The following NELFE variants were observed in gnomAD, a reference collection of about 807,000 sequenced individuals.
NELFE encodes the protein negative elongation factor E.
In NELFE, 26 loss-of-function variants were observed where a neutral mutation model predicts 55.5. The ratio of observed to expected loss-of-function variants is 0.47; its 90% CI spans 0.34 to 0.65. The LOEUF (loss-of-function observed/expected upper bound fraction) is 0.65. Among genes scored for constraint, NELFE ranks in the 30% least tolerant of loss-of-function variants. The probability of loss-of-function intolerance (pLI) is 0.01; values close to 1 mark genes in which losing one functional copy is unlikely to be tolerated. For missense variants in NELFE, 403 were observed against 506.9 expected (o/e 0.80, Z 1.97); for synonymous variants, 162 against 178.0 (o/e 0.91, Z 0.72).
intron 9 of NELFE, 80 bp downstream of exon 9, chr6:31,954,000 C>A: frequency 6.6e-7 from 1 of 1,506,494 alleles, no homozygotes; most frequent in South Asian, 1.1e-5. Context: ...GAACCAACTT[C>A]TTCCTGGCAT....
In NELFE at chr6:31,954,619, T is replaced by TCGATCTCGATCCCGATCC. The variant is rs771847271; in HGVS notation, c.660_677dup (p.Asp223_Arg228dup). 2 of 1,607,384 alleles carry TCGATCTCGATCCCGATCC rather than the reference T, an allele frequency of 1.2e-6. No individual in the cohort carries two copies. Among genetic ancestry groups the TCGATCTCGATCCCGATCC allele is most frequent in the Non-Finnish European group, 1.7e-6 (2 of 1,176,890 alleles). ...CCCGATCCCTGTCCCGTTCCCGGTC[T>TCGATCTCGATCCCGATCC]CGATCTCGATCCCGATCCCGATCCC... On this transcript the variant is annotated inframe_insertion, in exon 7 of 11. Coordinates refer to ENST00000375429, the MANE Select transcript of NELFE (RefSeq NM_002904.6). This position sits in a 1 kb window ranked among gnomAD's most constrained non-coding sequence, Gnocchi z 5.5.
At chr6:31,957,529 G>T in intron 2 of NELFE, 2 of 452,252 alleles carry the variant, frequency 4.4e-6, no homozygotes, top group South Asian at 3.1e-5. Flanking sequence ...ATGTTTAATG[G>T]CTATTAAACT....
Position 31,956,923 on chromosome 6 carries a change from A to C in NELFE, c.145+18T>G, listed in dbSNP as rs1480383013. ...TGCTGCCCACTTCCAGTCCATCCCC[A>C]TTTCCCCTGTCACTCACAGCGTTTG... On this transcript the variant is annotated intron_variant, in intron 3 of 10. Transcript: ENST00000375429. 1 of 1,611,606 alleles carries C rather than the reference A, an allele frequency of 6.2e-7. No individual in the cohort carries two copies. The highest frequency in any genetic ancestry group is 8.5e-7 in the Non-Finnish European group (1 of 1,179,102).
Position 31,954,248 on chromosome 6 carries a change from A to C in NELFE, c.887+50T>G, listed in dbSNP as rs751612552. 1.2e-6 allele frequency: 2 copies of C among 1,609,556 alleles called. No homozygotes were observed. The highest frequency in any genetic ancestry group is 1.7e-6 in the Non-Finnish European group (2 of 1,177,406). ...GGCAGCTTCTTCCCTCAGGTCTCAC[A>C]CCCCAGGATTCTCCCAGGACTTCTC... On this transcript the variant is annotated intron_variant, in intron 8 of 10. Transcript: ENST00000375429. This position sits in a 1 kb window ranked among gnomAD's most constrained non-coding sequence, Gnocchi z 5.5.
Position 31,952,209 on chromosome 6 carries a change from A to G in NELFE, c.*92T>C. ...CCCCAATCCCAAGTGCTGAAAAACC[A>G]GAGGCTGAGGGAGATGTGTAAGCTT... On this transcript the variant is annotated 3_prime_UTR_variant, in exon 11 of 11. Coordinates refer to ENST00000375429, the MANE Select transcript of NELFE (RefSeq NM_002904.6). 7.0e-7 allele frequency: 1 copy of G among 1,424,740 alleles called. No homozygotes were observed. The highest frequency in any genetic ancestry group is 9.8e-7 in the Non-Finnish European group (1 of 1,022,328). The allele number at this position is 1,424,740 out of a possible 1,614,324, so 88.3% of individuals were successfully genotyped here.
At chr6:31,958,211 A>C (rs999402185) in intron 2 of NELFE, 161 bp downstream of exon 2, 1 of 680,264 alleles carries the variant, frequency 1.5e-6, no homozygotes, top group Non-Finnish European at 2.6e-6. Context: ...GAAGGTCCAC[A>C]CCAAGGCTTG....
At chr6:31,952,426 G>C (rs1406842315) in intron 10 of NELFE, 28 bp from the exon 11 acceptor site, 1 of 1,540,406 alleles carries the variant, frequency 6.5e-7, no homozygotes, top group Non-Finnish European at 9.0e-7. Context: ...GAACAGTTAA[G>C]GTCTAAAGGA....
intron 10 of NELFE, among the ~76,000 whole-genome samples, chr6:31,952,599 G>C (rs1771840278): frequency 6.6e-6 from 1 of 152,168 alleles, no homozygotes; most frequent in Admixed American, 6.5e-5. Flanking sequence ...TGGACATTTT[G>C]ATGAATGTTT....
Position 31,954,584 on chromosome 6 carries a change from C to T in NELFE, c.713G>A (p.Arg238Gln), listed in dbSNP as rs1771953402. 2 of 1,607,794 alleles carry T rather than the reference C, an allele frequency of 1.2e-6. No homozygotes were observed. Among genetic ancestry groups the T allele is most frequent in the Non-Finnish European group, 1.7e-6 (2 of 1,177,116 alleles). The change falls in exon 7 of 11, where the codon CGA (arginine) becomes CAA (glutamine). Residue 238 changes from arginine to glutamine, a missense_variant. Transcript: ENST00000375429. This position sits in a 1 kb window ranked among gnomAD's most constrained non-coding sequence, Gnocchi z 5.5. The stretch of plus-strand genomic sequence containing the variant: ...GAAAGGACCCTCTCGGTCTCGGTCT[C>T]GATCCCGCTCCCGATCCCTGTCCCG... ...RERDRDRERD[R>Q]DRDREGPFRR...
chr6:31,955,515 C>T (rs1192425058), intron 4 of NELFE, among the ~76,000 whole-genome samples: 6 of 148,292 alleles, frequency 4.0e-5, no homozygotes, highest in Non-Finnish European at 7.4e-5. Flanking sequence ...ATAGAGCAAT[C>T]GTAGCTTGCT....
chr6:31,952,097 AT>A lies in NELFE; in HGVS notation c.*203del. ...AGCTGCGACAACACCTGTGTTCCAG[AT>A]CCTTTTGGGGCAAGGGAGTGGGGAA... On this transcript the variant is annotated 3_prime_UTR_variant, in exon 11 of 11. Transcript: ENST00000375429. The A allele has an allele frequency of 6.2e-7, 1 of 1,600,332 alleles. No homozygotes were observed. Among genetic ancestry groups the A allele is most frequent in the East Asian group, 2.2e-5 (1 of 44,806 alleles).
At chr6:31,955,448 A>ATTT (rs72274522) in intron 4 of NELFE, among the ~76,000 whole-genome samples, 155 bp from the exon 5 acceptor site, 8 of 122,732 alleles carry the variant, frequency 6.5e-5, no homozygotes, top group African/African-American at 1.2e-4. Context: ...GGTTTTACTT[A>ATTT]TTTTTTTTTT....
chr6:31,954,461 T>C lies in NELFE; in HGVS notation c.743-19A>G. On this transcript the variant is annotated intron_variant, in intron 7 of 10. Coordinates refer to ENST00000375429, the MANE Select transcript of NELFE (RefSeq NM_002904.6). This position sits in a 1 kb window ranked among gnomAD's most constrained non-coding sequence, Gnocchi z 5.5. ...TCCGACCCTTTGGGAGCACAAATCATAGTCACAAGACATAGACCATGCCAC... is the reference window on the plus strand; with the variant it reads ...TCCGACCCTTTGGGAGCACAAATCACAGTCACAAGACATAGACCATGCCAC... 3 of 1,589,590 alleles carry C rather than the reference T, an allele frequency of 1.9e-6. No homozygotes were observed. Among genetic ancestry groups the C allele is most frequent in the South Asian group, 1.1e-5 (1 of 87,378 alleles).
At chr6:31,952,655 A>G (rs1771842335) in intron 10 of NELFE, among the ~76,000 whole-genome samples, 1 of 152,268 alleles carries the variant, frequency 6.6e-6, no homozygotes, top group African/African-American at 2.4e-5. Flanking sequence ...CACGTGAATG[A>G]TATTAACCCA....
At chr6:31,955,591 G>A (rs1029420183) in intron 4 of NELFE, among the ~76,000 whole-genome samples, 4 of 149,804 alleles carry the variant, frequency 2.7e-5, no homozygotes, top group African/African-American at 9.9e-5. Flanking sequence ...TGGGACTAGA[G>A]ATGTGCTCTA....
In NELFE at chr6:31,952,205, A is replaced by T; in HGVS notation, c.*96T>A. 7.0e-7 allele frequency: 1 copy of T among 1,427,770 alleles called. No homozygotes were observed. The allele number at this position is 1,427,770 out of a possible 1,614,324, so 88.4% of individuals were successfully genotyped here. The stretch of plus-strand genomic sequence containing the variant: ...TTAACCCCAATCCCAAGTGCTGAAA[A>T]ACCAGAGGCTGAGGGAGATGTGTAA... On this transcript the variant is annotated 3_prime_UTR_variant, in exon 11 of 11. Coordinates refer to ENST00000375429, the MANE Select transcript of NELFE (RefSeq NM_002904.6).
At position 31,954,976 on chromosome 6, in the gene NELFE, C is replaced by T. The variant is rs1025476500; in HGVS notation, c.404+83G>A. ...TGGAGACTCAATATTCCCTCTATAG[C>T]CCAGCTCCTACAGCCCAAACCTCCC... On this transcript the variant is annotated intron_variant, in intron 6 of 10. Coordinates refer to ENST00000375429, the MANE Select transcript of NELFE (RefSeq NM_002904.6). The surrounding 1 kb of genome is among the most constrained non-coding windows in gnomAD (Gnocchi z 5.5). 4 of 1,612,840 alleles carry T rather than the reference C, an allele frequency of 2.5e-6. No homozygotes were observed. The Admixed American group carries it at 6.7e-5, about 27-fold the overall frequency.
intron 2 of NELFE, 48 bp downstream of exon 2, chr6:31,958,324 G>T (rs1433803953): frequency 2.6e-6 from 4 of 1,539,588 alleles, no homozygotes; most frequent in Non-Finnish European, 3.6e-6. Flanking sequence ...TCTTCTCAGA[G>T]TGCAGAGTCT....
rs778959876 is a variant in NELFE at position 31,954,645 on chromosome 6, T to G, written c.652A>C (p.Arg218=). ...RDRDRDRERD[R]DRDRDRDRDR... is the part of the protein sequence containing the mutation. ...CGATCTCGATCCCGATCCCGATCCC[T>G]GTCCCGCTCTCTGTCTCTGTCTCGA... Residue 218 remains arginine (R), a synonymous_variant, in exon 7 of 11, where the codon AGG becomes CGG. Coordinates refer to ENST00000375429, the MANE Select transcript of NELFE (RefSeq NM_002904.6). This position sits in a 1 kb window ranked among gnomAD's most constrained non-coding sequence, Gnocchi z 5.5. 31 of 1,603,956 alleles carry G rather than the reference T, an allele frequency of 1.9e-5. No individual in the cohort carries two copies. The highest frequency in any genetic ancestry group is 2.6e-5 in the Non-Finnish European group (31 of 1,174,986).
Sources: gnomAD v4.1 joint callset for allele counts (sites outside exome capture counted in the v4.1 genomes callset) on GRCh38, gnomAD v4.1.1 for gene constraint, Gnocchi (gnomAD v3.1) non-coding constraint, MANE v1.5 for transcripts, NCBI Gene and HGNC (gene_info 2026-07-23, HGNC 2026-07-21) for gene names.